The following CCR5AS variants were observed in gnomAD, a reference collection of about 807,000 sequenced individuals.
The protein encoded by CCR5AS is CCR5 antisense RNA.
chr3:46,373,644 T>A (rs772496200), intron 2 of CCR5AS: 1 of 1,614,184 alleles, frequency 6.2e-7, no homozygotes, highest in East Asian at 2.2e-5. Context: ...TTTTCTCTTC[T>A]GGGCTCCCTA....
At chr3:46,385,986 G>A (rs936573239) in intron 2 of CCR5AS, among the ~76,000 whole-genome samples, 8 of 151,852 alleles carry the variant, frequency 5.3e-5, no homozygotes, top group African/African-American at 9.7e-5. Flanking sequence ...TTGTTGGCTC[G>A]CTGCAACCTC....
At chr3:46,390,847 C>T (rs1701905386) in intron 2 of CCR5AS, among the ~76,000 whole-genome samples, 1 of 152,028 alleles carries the variant, frequency 6.6e-6, no homozygotes, top group African/African-American at 2.4e-5. Flanking sequence ...GAAGCCTCGC[C>T]GACAATACCC....
At chr3:46,405,853 C>T (rs1702040095) in intron 1 of CCR5AS, among the ~76,000 whole-genome samples, 1 of 151,924 alleles carries the variant, frequency 6.6e-6, no homozygotes, top group Admixed American at 6.6e-5. Flanking sequence ...CTCCCTTCCT[C>T]TCCCCGCCCC....
At chr3:46,394,776 A>G (rs1273724271) in intron 1 of CCR5AS, among the ~76,000 whole-genome samples, 1 of 152,190 alleles carries the variant, frequency 6.6e-6, no homozygotes, top group Admixed American at 6.5e-5. Context: ...AAGAAACTTC[A>G]GGAAATGGTA....
intron 2 of CCR5AS, among the ~76,000 whole-genome samples, chr3:46,387,451 C>A (rs770217711): frequency 1.3e-5 from 2 of 152,200 alleles, no homozygotes; most frequent in Non-Finnish European, 2.9e-5. Context: ...AACATGGACA[C>A]AAAGTCCCCA....
chr3:46,382,272 G>A (rs1214853949), intron 2 of CCR5AS, among the ~76,000 whole-genome samples: 1 of 152,198 alleles, frequency 6.6e-6, no homozygotes, highest in Non-Finnish European at 1.5e-5. Context: ...GGGTGAGATG[G>A]CCAGCTTCTT....
chr3:46,379,738 A>C (rs1223048371), intron 2 of CCR5AS, among the ~76,000 whole-genome samples: 1 of 151,966 alleles, frequency 6.6e-6, no homozygotes, highest in Non-Finnish European at 1.5e-5. Flanking sequence ...TCTACTAAAA[A>C]TACAAAAAAT....
exon 2 of CCR5AS, chr3:46,392,855 G>A (rs1701924619): frequency 9.1e-6 from 2 of 219,092 alleles, no homozygotes; most frequent in South Asian, 6.3e-5. Context: ...TGTTCCTTGG[G>A]CTGGTCTGAG....
At chr3:46,381,694 C>A (rs1701818493) in intron 2 of CCR5AS, among the ~76,000 whole-genome samples, 2 of 152,314 alleles carry the variant, frequency 1.3e-5, no homozygotes, top group East Asian at 1.9e-4. Flanking sequence ...TTCAAAAATC[C>A]TTTTTAGGAG....
intron 1 of CCR5AS, among the ~76,000 whole-genome samples, chr3:46,402,406 A>G (rs527905488): frequency 2.6e-5 from 4 of 152,370 alleles, no homozygotes; most frequent in East Asian, 1.9e-4. Flanking sequence ...CTACTACTCA[A>G]TATCAAACAA....
intron 3 of CCR5AS, among the ~76,000 whole-genome samples, chr3:46,367,014 A>G (rs1293709585): frequency 6.6e-6 from 1 of 152,222 alleles, no homozygotes; most frequent in Admixed American, 6.5e-5. Context: ...CCCGACTGTC[A>G]ATGACGGAGC....
intron 3 of CCR5AS, among the ~76,000 whole-genome samples, chr3:46,367,365 TA>T (rs10714482): frequency 0.37 from 47,515 of 129,494 alleles, 8,528 homozygotes; most frequent in East Asian, 0.58. Flanking sequence ...AATCTTTAGC[TA>T]AAAAAAAAAA....
At chr3:46,372,984 A>G in intron 2 of CCR5AS, 1 of 1,613,896 alleles carries the variant, frequency 6.2e-7, no homozygotes, top group Non-Finnish European at 8.5e-7. Flanking sequence ...TGTGAAGCAA[A>G]TCGCAGCCCG....
At chr3:46,383,647 G>A (rs1410824977) in intron 2 of CCR5AS, among the ~76,000 whole-genome samples, 2 of 152,146 alleles carry the variant, frequency 1.3e-5, no homozygotes, top group Non-Finnish European at 2.9e-5. Context: ...GGTAAGAGAG[G>A]GATGGGAAGT....
At chr3:46,388,007 A>G (rs934785093) in intron 2 of CCR5AS, among the ~76,000 whole-genome samples, 2 of 152,178 alleles carry the variant, frequency 1.3e-5, no homozygotes, top group Middle Eastern at 3.2e-3. Context: ...GTCATCAGTT[A>G]AGGCAGGAAC....
intron 2 of CCR5AS, among the ~76,000 whole-genome samples, chr3:46,386,211 C>A (rs907302555): frequency 2.6e-5 from 4 of 152,204 alleles, no homozygotes; most frequent in South Asian, 4.1e-4. Context: ...CCACCCCACC[C>A]GACCACACTC....
At chr3:46,391,310 G>A (rs1423515634) in intron 2 of CCR5AS, among the ~76,000 whole-genome samples, 1 of 152,212 alleles carries the variant, frequency 6.6e-6, no homozygotes, top group Non-Finnish European at 1.5e-5. Context: ...GCGGAGGCAA[G>A]TAATTGCAAC....
chr3:46,390,376 C>T (rs1459522079), intron 2 of CCR5AS, among the ~76,000 whole-genome samples: 1 of 152,048 alleles, frequency 6.6e-6, no homozygotes, highest in Non-Finnish European at 1.5e-5. Flanking sequence ...CCTGAACAAA[C>T]CTGTAAGACT....
At chr3:46,399,149 G>A (rs1349284373) in intron 1 of CCR5AS, among the ~76,000 whole-genome samples, 2 of 152,142 alleles carry the variant, frequency 1.3e-5, no homozygotes, top group Admixed American at 6.5e-5. Context: ...AAAATCTTAA[G>A]CACCACTTCA....
Sources: gnomAD v4.1 joint callset for allele counts (sites outside exome capture counted in the v4.1 genomes callset) on GRCh38, gnomAD v4.1.1 for gene constraint, MANE v1.5 for transcripts, NCBI Gene and HGNC (gene_info 2026-07-23, HGNC 2026-07-21) for gene names.